Variants in NCF4 observed in about 807,000 individuals in gnomAD.
The protein encoded by NCF4 is neutrophil cytosolic factor 4.
A neutral mutation model predicts 41.7 loss-of-function variants in NCF4; 30 were observed. The ratio of observed to expected loss-of-function variants is 0.72; its 90% CI spans 0.54 to 0.97. NCF4 has a LOEUF of 0.97. Ranked by LOEUF, NCF4 falls within the 50% of genes least tolerant of loss-of-function variation. NCF4 has a pLI of 0.00. For missense variants in NCF4, 432 were observed against 460.9 expected, an observed-to-expected ratio of 0.94 and a Z score of 0.57; for synonymous variants, 195 against 175.8, an observed-to-expected ratio of 1.11 and a Z score of -0.87.
Position 36,864,980 on chromosome 22 carries a change from G to A in NCF4, c.179G>A (p.Arg60His), listed in dbSNP as rs369847561. ...GSKYLIYRRYRQFHALQSKLE... is the reference protein window; with the variant it reads ...GSKYLIYRRYHQFHALQSKLE... ...AAGTACCTCATCTACCGCCGCTACC[G>A]CCAGTTCCATGCTTTGCAGAGCAAG... The change falls in exon 3 of 10, where the codon CGC becomes CAC. Residue 60 changes from arginine (R) to histidine (H), a missense_variant. Coordinates refer to ENST00000248899, the MANE Select transcript of NCF4 (RefSeq NM_000631.5). 115 of 1,614,012 alleles carry A rather than the reference G, an allele frequency of 7.1e-5. 1 individual carries two copies. Among genetic ancestry groups the A allele is most frequent in the African/African-American group, 2.1e-4 (16 of 75,012 alleles).
At chr22:36,875,075 G>A (rs1940163286) in intron 7 of NCF4, among the ~76,000 whole-genome samples, 1 of 152,060 alleles carries the variant, frequency 6.6e-6, no homozygotes, top group Admixed American at 6.6e-5. Flanking sequence ...GGTTGCCCAG[G>A]CTGGAGTGCA....
Position 36,877,780 on chromosome 22 carries a change from T to A in NCF4, c.977T>A (p.Ile326Asn). 1 of 1,613,954 alleles carries A rather than the reference T, an allele frequency of 6.2e-7. No individual in the cohort carries two copies. The change falls in exon 10 of 10, where the codon ATC (isoleucine) becomes AAC (asparagine). Residue 326 changes from isoleucine (I) to asparagine (N), a missense_variant. Transcript: ENST00000248899. ...CGCCTCTTCCCCTGGAAGCTGCACA[T>A]CACGCAGAAGGACAACTACAGGGTC... ...QKRLFPWKLH[I>N]TQKDNYRVYN...
Position 36,875,796 on chromosome 22 carries a change from G to C in NCF4, c.758+13G>C. 6.2e-7 allele frequency: 1 copy of C among 1,614,148 alleles called. No homozygotes were observed. The highest frequency in any genetic ancestry group is 8.5e-7 in the Non-Finnish European group (1 of 1,180,026). On this transcript the variant is annotated intron_variant, in intron 8 of 9. Coordinates refer to ENST00000248899, the MANE Select transcript of NCF4 (RefSeq NM_000631.5). ...TCAGCACCATCAAGTCTGTGGCCTG[G>C]GAGGGAGGGGCCTGTCCAGCCTTCC...
At chr22:36,870,688 T>C in intron 5 of NCF4, 146 bp downstream of exon 5, 1 of 1,185,422 alleles carries the variant, frequency 8.4e-7, no homozygotes, top group Non-Finnish European at 1.2e-6. Context: ...ATTAGATGGG[T>C]TTAGAAAGTC....
intron 4 of NCF4, among the ~76,000 whole-genome samples, chr22:36,868,985 A>G (rs1374262825): frequency 6.6e-6 from 1 of 152,180 alleles, no homozygotes; most frequent in Non-Finnish European, 1.5e-5. Flanking sequence ...CCCCGCCCTC[A>G]TGAAGAATGT....
At chr22:36,861,796 C>T (rs564122804) in intron 1 of NCF4, among the ~76,000 whole-genome samples, 9 of 152,184 alleles carry the variant, frequency 5.9e-5, no homozygotes, top group Non-Finnish European at 7.3e-5. Flanking sequence ...CCGTTTTGAT[C>T]GCTGCTGTAT....
Position 36,875,634 on chromosome 22 carries a change from C to T in NCF4, c.628-19C>T. On this transcript the variant is annotated intron_variant, in intron 7 of 9. Transcript: ENST00000248899. Reference sequence around the variant, plus strand: ...GCCTCTCCTCTCACCAGCATGGCATCCCTTCTCTTCCTCTGCAGGGCACTG... The same window carrying T: ...GCCTCTCCTCTCACCAGCATGGCATTCCTTCTCTTCCTCTGCAGGGCACTG... The T allele has an allele frequency of 6.2e-7, 1 of 1,608,508 alleles. No individual in the cohort carries two copies. Among genetic ancestry groups the T allele is most frequent in the Admixed American group, 1.7e-5 (1 of 60,022 alleles).
At chr22:36,875,922 A>G (rs1400527709) in intron 8 of NCF4, 107 bp from the exon 9 acceptor site, 1 of 1,614,054 alleles carries the variant, frequency 6.2e-7, no homozygotes, top group Admixed American at 1.7e-5. Flanking sequence ...ATGCTGTAAC[A>G]AGCCATCAAC....
rs1408073733 is a variant in NCF4 at position 36,876,004 on chromosome 22, T to C, written c.759-25T>C. On this transcript the variant is annotated intron_variant, in intron 8 of 9. Coordinates refer to ENST00000248899, the MANE Select transcript of NCF4 (RefSeq NM_000631.5). ...ACCCCACTTCCAGCCTGATGCCTCC[T>C]TACTCCAGCCTGTCACCCCCTTAGG... The C allele has an allele frequency of 6.2e-7, 1 of 1,612,752 alleles. No individual in the cohort carries two copies. Among genetic ancestry groups the C allele is most frequent in the Non-Finnish European group, 8.5e-7 (1 of 1,179,152 alleles).
intron 7 of NCF4, among the ~76,000 whole-genome samples, chr22:36,874,765 G>A (rs1940155249): frequency 6.6e-6 from 1 of 152,222 alleles, no homozygotes; most frequent in Non-Finnish European, 1.5e-5. Flanking sequence ...CAAAGCCCAG[G>A]CCATGGCCGG....
intron 4 of NCF4, among the ~76,000 whole-genome samples, chr22:36,868,324 C>T (rs1939975968): frequency 6.6e-6 from 1 of 152,260 alleles, no homozygotes; most frequent in Non-Finnish European, 1.5e-5. Flanking sequence ...GTTGCCCATC[C>T]TCTCTAGGCC....
chr22:36,863,014 T>G (rs1490189240), intron 1 of NCF4, among the ~76,000 whole-genome samples: 1 of 152,154 alleles, frequency 6.6e-6, no homozygotes, highest in Non-Finnish European at 1.5e-5. Context: ...CCCGGCCCAG[T>G]AGGGCCTGGG....
intron 4 of NCF4, 196 bp from the exon 5 acceptor site, chr22:36,870,219 A>C (rs974161874): frequency 1.3e-6 from 1 of 758,766 alleles, no homozygotes; most frequent in Non-Finnish European, 2.2e-6. Context: ...TGGACCCAGG[A>C]GCAGAGCTTG....
rs1192948761 is a variant in NCF4, at chr22:36,872,410, C to A, written c.612C>A (p.Asn204Lys). 2 of 1,609,808 alleles carry A rather than the reference C, an allele frequency of 1.2e-6. No individual in the cohort carries two copies. Among genetic ancestry groups the A allele is most frequent in the Non-Finnish European group, 1.7e-6 (2 of 1,176,204 alleles). ...GDVIFLLSRI[N>K]KDWLEGTVRG... is the part of the protein sequence containing the mutation. ...TGATCTTCCTCCTCAGTCGGATCAA[C>A]AAAGACTGGCTGGAGGTGAGTTCAG... is the stretch of plus-strand genomic sequence containing the variant. Residue 204 changes from asparagine (N) to lysine (K), a missense_variant, in exon 7 of 10, where the codon AAC (asparagine) becomes AAA (lysine). Asn to Lys is a moderately conservative substitution (Grantham distance 94). Transcript: ENST00000248899.
chr22:36,864,703 G>GT lies in NCF4; in HGVS notation c.118-206dup, dbSNP rs34176632. On this transcript the variant is annotated intron_variant, in intron 2 of 9. Transcript: ENST00000248899. ...AGGTCTCACTTCCTCTCTTTTTCCA[G>GT]TTTTTTTTTTCTTTTCTTTTCTTTT... Among the ~76,000 whole-genome samples, 10,192 of 148,562 alleles carry GT rather than the reference G, an allele frequency of 0.069. 902 individuals are homozygous for GT. Among genetic ancestry groups the GT allele is most frequent in the African/African-American group, 0.2 (8,027 of 40,174 alleles).
rs2145706518 is a variant in NCF4, at chr22:36,865,656, G to A, written c.271+584G>A. On this transcript the variant is annotated intron_variant, in intron 3 of 9. Coordinates refer to ENST00000248899, the MANE Select transcript of NCF4 (RefSeq NM_000631.5). This position sits in a 1 kb window ranked among gnomAD's most constrained non-coding sequence, Gnocchi z 4.3. ...ACAGCGCCAAGCCCTTAGCTGCTCA[G>A]CACCTGCCCCGCAGGAGGAAACCCC... 6.6e-6 allele frequency among the ~76,000 whole-genome samples: 1 copy of A among 152,256 alleles called. No homozygotes were observed. The highest frequency in any genetic ancestry group is 1.5e-5 in the Non-Finnish European group (1 of 68,010).
At chr22:36,876,516 GT>G (rs1940197188) in intron 9 of NCF4, among the ~76,000 whole-genome samples, 1 of 152,108 alleles carries the variant, frequency 6.6e-6, no homozygotes, top group Non-Finnish European at 1.5e-5. Flanking sequence ...AAAAAGAAAT[GT>G]CAGTAACCAT....
At position 36,865,169 on chromosome 22, in the gene NCF4, G is replaced by A. The variant is rs1166807991; in HGVS notation, c.271+97G>A. On this transcript the variant is annotated intron_variant, in intron 3 of 9. Transcript: ENST00000248899. This position sits in a 1 kb window ranked among gnomAD's most constrained non-coding sequence, Gnocchi z 4.3. ...TCTGTGATTTGATCTCAACCCCAGT[G>A]AAAACTGTTCATGTAGTTTATAGCC... 3 of 1,537,602 alleles carry A rather than the reference G, an allele frequency of 2.0e-6. No homozygotes were observed. Among genetic ancestry groups the A allele is most frequent in the South Asian group, 1.1e-5 (1 of 88,106 alleles).
At chr22:36,876,463 T>C (rs1318444812) in intron 9 of NCF4, among the ~76,000 whole-genome samples, 1 of 152,230 alleles carries the variant, frequency 6.6e-6, no homozygotes, top group Non-Finnish European at 1.5e-5. Context: ...ACCGCATTGC[T>C]ACATTTCTGA....
Sources: allele counts gnomAD v4.1 joint callset (sites outside exome capture counted in the v4.1 genomes callset), GRCh38; gene constraint gnomAD v4.1.1; non-coding constraint Gnocchi (gnomAD v3.1); transcripts MANE v1.5; gene names NCBI Gene and HGNC (gene_info 2026-07-23, HGNC 2026-07-21).